Variants in PRMT3 observed in about 807,000 individuals in gnomAD.
The protein encoded by PRMT3 is protein arginine methyltransferase 3, also known as protein arginine N-methyltransferase 3.
Under a neutral mutation model 71.9 loss-of-function variants are expected in PRMT3, and 62 were observed. That is an observed-to-expected ratio of 0.86 (90% CI 0.70 to 1.07). The LOEUF is 1.07. Ranked by LOEUF, PRMT3 falls within the 50% of genes least tolerant of loss-of-function variation. The pLI is 0.00. For missense variants in PRMT3, 663 were observed against 643.0 expected (o/e 1.03, Z -0.34); for synonymous variants, 213 against 220.4 (o/e 0.97, Z 0.30).
At chr11:20,453,487 A>T (rs960331285) in intron 11 of PRMT3, among the ~76,000 whole-genome samples, 3 of 151,926 alleles carry the variant, frequency 2.0e-5, no homozygotes, top group Non-Finnish European at 4.4e-5. Context: ...CTCAGAAAAA[A>T]AAAAAAAAAT....
At chr11:20,439,458 T>C (rs1849836386) in intron 10 of PRMT3, among the ~76,000 whole-genome samples, 1 of 152,212 alleles carries the variant, frequency 6.6e-6, no homozygotes. Context: ...GAGCTCTCCC[T>C]GGGTTATTTT....
chr11:20,388,411 C>T (rs1210562342), intron 2 of PRMT3, among the ~76,000 whole-genome samples: 1 of 152,254 alleles, frequency 6.6e-6, no homozygotes, highest in East Asian at 1.9e-4. Context: ...AATCTTGTCA[C>T]TTGAGACGCT....
At chr11:20,477,812 C>G (rs563912945) in intron 13 of PRMT3, among the ~76,000 whole-genome samples, 55 of 144,372 alleles carry the variant, frequency 3.8e-4, no homozygotes, top group African/African-American at 1.0e-3. Flanking sequence ...ACCCCCCCCC[C>G]CCACTTCCTG....
intron 13 of PRMT3, among the ~76,000 whole-genome samples, chr11:20,473,936 C>T (rs74399756): frequency 0.076 from 11,540 of 152,042 alleles, 538 homozygotes; most frequent in East Asian, 0.2. Context: ...ATGTTGTTTT[C>T]GGTTTTTAAC....
chr11:20,459,290 T>C (rs1170619327), intron 11 of PRMT3, among the ~76,000 whole-genome samples: 3 of 152,182 alleles, frequency 2.0e-5, no homozygotes, highest in African/African-American at 7.2e-5. Context: ...TTAAGTATCT[T>C]GAATGTCTGT....
rs753912518 is a variant in PRMT3 at position 20,388,096 on chromosome 11, G to T, written c.106G>T (p.Glu36Ter). ...DSGDEAAWED[E>*]DDADLPHGKQ... The stretch of plus-strand genomic sequence containing the variant: ...CGGGGACGAGGCCGCCTGGGAGGAT[G>T]AGGACGATGCAGATCTCCCCCACGG... Residue 36 changes from glutamate to a stop codon, truncating the protein, a stop_gained, in exon 2 of 16, where the codon GAG becomes TAG. Transcript: ENST00000331079. LOFTEE classifies it high-confidence loss of function. The T allele has an allele frequency of 1.9e-6, 3 of 1,614,086 alleles. No individual in the cohort carries two copies. Among genetic ancestry groups the T allele is most frequent in the Middle Eastern group, 1.6e-4 (1 of 6,062 alleles).
At chr11:20,392,779 A>G (rs1360511114) in intron 4 of PRMT3, 118 bp from the exon 5 acceptor site, 9 of 670,712 alleles carry the variant, frequency 1.3e-5, no homozygotes, top group Non-Finnish European at 5.1e-6. Context: ...TTTTGGAGAC[A>G]TACTGACTTT....
Position 20,387,902 on chromosome 11 carries a change from T to A in PRMT3, c.29-117T>A, listed in dbSNP as rs1177711585. On this transcript the variant is annotated intron_variant, in intron 1 of 15. Coordinates refer to ENST00000331079, the MANE Select transcript of PRMT3 (RefSeq NM_005788.4). This position sits in a 1 kb window ranked among gnomAD's most constrained non-coding sequence, Gnocchi z 4.3. ...GGGCTCGCAGGGATCATGAAGGAGG[T>A]GCTGAGTGAGGGCCGCGGGCGAACG... 1.3e-6 allele frequency: 2 copies of A among 1,550,972 alleles called. No homozygotes were observed. The highest frequency in any genetic ancestry group is 3.8e-5 in the Admixed American group (2 of 53,124).
In PRMT3 at chr11:20,448,606, TCA is replaced by T. The variant is rs569063603; in HGVS notation, c.994-3523_994-3522del. On this transcript the variant is annotated intron_variant, in intron 10 of 15. Transcript: ENST00000331079. The stretch of plus-strand genomic sequence containing the variant: ...TAGTTAAATTTTGCCTAGAGATGTA[TCA>T]GTAATTCAGTTATTTGAACTAAAAA... Among the ~76,000 whole-genome samples the T allele has an allele frequency of 3.6e-3, 548 of 152,168 alleles. 2 individuals are homozygous for T. The highest frequency in any genetic ancestry group is 5.9e-3 in the Non-Finnish European group (402 of 67,996).
At chr11:20,418,875 A>C (rs1434194098) in intron 9 of PRMT3, among the ~76,000 whole-genome samples, 1 of 152,220 alleles carries the variant, frequency 6.6e-6, no homozygotes, top group Non-Finnish European at 1.5e-5. Context: ...TAAATAACAA[A>C]TGAAATTAAA....
chr11:20,438,244 G>A (rs115567384), intron 10 of PRMT3, among the ~76,000 whole-genome samples: 4,707 of 152,206 alleles, frequency 0.031, 246 homozygotes, highest in African/African-American at 0.11. Context: ...GCCTGACCCT[G>A]GGGAAGCAGG....
chr11:20,399,612 A>G (rs965071882), intron 7 of PRMT3, among the ~76,000 whole-genome samples: 4 of 152,308 alleles, frequency 2.6e-5, no homozygotes, highest in Non-Finnish European at 2.9e-5. Context: ...CTTAAATACC[A>G]TAAACCTTTC....
intron 10 of PRMT3, among the ~76,000 whole-genome samples, chr11:20,427,239 T>C (rs1429474325): frequency 6.6e-6 from 1 of 152,176 alleles, no homozygotes; most frequent in Non-Finnish European, 1.5e-5. Flanking sequence ...TAACATGATA[T>C]TGCCACCATT....
intron 9 of PRMT3, among the ~76,000 whole-genome samples, chr11:20,416,066 A>T (rs1441652043): frequency 6.6e-6 from 1 of 152,096 alleles, no homozygotes; most frequent in African/African-American, 2.4e-5. Flanking sequence ...TCATCTATCC[A>T]TGATGTTTCT....
At position 20,470,097 on chromosome 11, in the gene PRMT3, T is replaced by C. The variant is rs548134274; in HGVS notation, c.1347+5551T>C. Among the ~76,000 whole-genome samples, 4 of 152,310 alleles carry C rather than the reference T, an allele frequency of 2.6e-5. No homozygotes were observed. In the South Asian group the frequency reaches 8.3e-4, roughly 32 times the overall value. On this transcript the variant is annotated intron_variant, in intron 13 of 15. Transcript: ENST00000331079. Reference sequence around the variant, plus strand: ...TAGATTATATAGCCTACTATACACCTAGGCTATATACTATAGCCTGTTGCT... The same window carrying C: ...TAGATTATATAGCCTACTATACACCCAGGCTATATACTATAGCCTGTTGCT...
At chr11:20,419,933 A>AGGCCAAGGTAGGTGAATTACTTTAGGC (rs1319694185) in intron 9 of PRMT3, among the ~76,000 whole-genome samples, 1 of 152,180 alleles carries the variant, frequency 6.6e-6, no homozygotes, top group African/African-American at 2.4e-5. Flanking sequence ...ATACTTTGGG[A>AGGCCAAGGTAGGTGAATTACTTTAGGC]GGTCAAGGTA....
intron 13 of PRMT3, among the ~76,000 whole-genome samples, chr11:20,466,842 T>C (rs1271945571): frequency 6.6e-6 from 1 of 152,212 alleles, no homozygotes; most frequent in African/African-American, 2.4e-5. Context: ...TATTGAAGAA[T>C]CTAAGTATCA....
chr11:20,494,083 C>A, intron 14 of PRMT3, 84 bp from the exon 15 acceptor site: 4 of 1,462,736 alleles, frequency 2.7e-6, no homozygotes, highest in Admixed American at 1.8e-5. Context: ...GCAATTGGGG[C>A]TTGTGTTTGA....
intron 10 of PRMT3, among the ~76,000 whole-genome samples, chr11:20,445,023 C>T (rs957377660): frequency 6.6e-6 from 1 of 151,726 alleles, no homozygotes; most frequent in African/African-American, 2.4e-5. Flanking sequence ...TTGTAATTTT[C>T]TTATGGTTAA....
Sources: allele counts gnomAD v4.1 joint callset (sites outside exome capture counted in the v4.1 genomes callset), GRCh38; gene constraint gnomAD v4.1.1; non-coding constraint Gnocchi (gnomAD v3.1); transcripts MANE v1.5; gene names NCBI Gene and HGNC (gene_info 2026-07-23, HGNC 2026-07-21).